NSRP1: variants seen among roughly 807,000 people sequenced by gnomAD.
NSRP1 encodes coiled-coil domain containing 55.
In NSRP1, 24 loss-of-function variants were observed where a neutral mutation model predicts 54.7. That is an observed-to-expected ratio of 0.44 (90% CI 0.32 to 0.62). NSRP1 has a LOEUF of 0.62. Among genes scored for constraint, NSRP1 ranks in the 20% least tolerant of loss-of-function variants. The probability of loss-of-function intolerance (pLI) is 0.06; values close to 1 mark genes in which losing one functional copy is unlikely to be tolerated. For missense variants in NSRP1, 596 were observed against 651.2 expected, an observed-to-expected ratio of 0.92 and a Z score of 0.92; for synonymous variants, 210 against 213.8, an observed-to-expected ratio of 0.98 and a Z score of 0.15.
At chr17:30,152,084 G>T in intron 2 of NSRP1, among the ~76,000 whole-genome samples, 1 of 147,924 alleles carries the variant, frequency 6.8e-6, no homozygotes, top group African/African-American at 2.5e-5. Context: ...TCACTTTCTT[G>T]ATGGCTTTTG....
At chr17:30,159,375 CGTT>C in intron 2 of NSRP1, among the ~76,000 whole-genome samples, 1 of 151,824 alleles carries the variant, frequency 6.6e-6, no homozygotes, top group Non-Finnish European at 1.5e-5. Flanking sequence ...TGTGTGTAGT[CGTT>C]TGGTTTTTCT....
intron 2 of NSRP1, among the ~76,000 whole-genome samples, chr17:30,142,160 A>G (rs2071811368): frequency 6.6e-6 from 1 of 152,104 alleles, no homozygotes; most frequent in Non-Finnish European, 1.5e-5. Flanking sequence ...ATTCACATCT[A>G]TATCCTTTCT....
intron 2 of NSRP1, among the ~76,000 whole-genome samples, chr17:30,147,601 C>T (rs1367370229): frequency 1.3e-5 from 2 of 149,890 alleles, no homozygotes; most frequent in Non-Finnish European, 1.5e-5. Flanking sequence ...GTAGCTGGGA[C>T]TACAGGCGCC....
At chr17:30,139,105 G>C (rs1379894683) in intron 2 of NSRP1, among the ~76,000 whole-genome samples, 1 of 150,272 alleles carries the variant, frequency 6.7e-6, no homozygotes, top group Non-Finnish European at 1.5e-5. Context: ...TTTTAGTAGA[G>C]ACGGGGTTTC....
chr17:30,126,889 C>T (rs1047750684), intron 2 of NSRP1, among the ~76,000 whole-genome samples: 3 of 152,198 alleles, frequency 2.0e-5, no homozygotes, highest in Non-Finnish European at 4.4e-5. Context: ...CATGCCTGGC[C>T]TAGGCTAGCT....
At position 30,186,158 on chromosome 17, in the gene NSRP1, G is replaced by A. The variant is rs1128156; in HGVS notation, c.*484G>A. The stretch of plus-strand genomic sequence containing the variant: ...TCCATGCCTGTAGTCCCAGCTGTTC[G>A]AGAGGCTGAGGCAAGAAGATCACTT... On this transcript the variant is annotated 3_prime_UTR_variant, in exon 7 of 7. Coordinates refer to ENST00000247026, the MANE Select transcript of NSRP1 (RefSeq NM_032141.4). 62,604 of 152,102 alleles carry A rather than the reference G, an allele frequency of 0.41. 14,379 individuals are homozygous for A. The highest frequency in any genetic ancestry group is 0.82 in the East Asian group (4,220 of 5,170). The allele number at this position is 152,102 out of a possible 1,614,324, so 9.4% of individuals were successfully genotyped here. A position where few individuals can be genotyped will look rare whatever the true frequency, so the allele number is the denominator to read the frequency against.
At chr17:30,128,422 G>A (rs950966338) in intron 2 of NSRP1, among the ~76,000 whole-genome samples, 3 of 151,898 alleles carry the variant, frequency 2.0e-5, no homozygotes, top group South Asian at 2.1e-4. Flanking sequence ...CATCATATTA[G>A]CCAAATACTT....
At chr17:30,122,112 T>G (rs756328338) in intron 2 of NSRP1, among the ~76,000 whole-genome samples, 10 of 152,000 alleles carry the variant, frequency 6.6e-5, no homozygotes, top group Non-Finnish European at 1.3e-4. Context: ...TTCTCAAGAT[T>G]GTAACGTGTC....
intron 2 of NSRP1, among the ~76,000 whole-genome samples, chr17:30,147,549 C>T (rs962522636): frequency 7.9e-5 from 12 of 151,248 alleles, no homozygotes; most frequent in Non-Finnish European, 1.6e-4. Context: ...CTGCAAGCCC[C>T]GCCTCCCAGG....
intron 2 of NSRP1, among the ~76,000 whole-genome samples, chr17:30,121,633 G>T (rs1461725455): frequency 6.8e-6 from 1 of 147,924 alleles, no homozygotes; most frequent in East Asian, 2.0e-4. Context: ...GCGTGATCTC[G>T]GCTCACTGCA....
intron 2 of NSRP1, chr17:30,150,659 C>G (rs531940698): frequency 7.4e-5 from 11 of 149,300 alleles, no homozygotes; most frequent in Admixed American, 2.0e-4. Flanking sequence ...CATGAGCCAC[C>G]GCGCCCAGCC....
At chr17:30,134,346 G>C (rs1258199267) in intron 2 of NSRP1, among the ~76,000 whole-genome samples, 1 of 152,198 alleles carries the variant, frequency 6.6e-6, no homozygotes, top group Non-Finnish European at 1.5e-5. Context: ...ACCAAAATGT[G>C]ACACACTGAC....
Position 30,183,255 on chromosome 17 carries a change from G to T in NSRP1, c.618-1360G>T, listed in dbSNP as rs770298112. Among the ~76,000 whole-genome samples the T allele has an allele frequency of 7.3e-4, 110 of 151,692 alleles. 1 individual carries two copies. Among genetic ancestry groups the T allele is most frequent in the Non-Finnish European group, 6.6e-4 (45 of 67,874 alleles). On this transcript the variant is annotated intron_variant, in intron 6 of 6. Transcript: ENST00000247026. ...AATTTTTTTTAACAGGAATGTTCTG[G>T]GTAGATCTGAGTCTGTGTTGCTAAG...
At chr17:30,132,889 C>T (rs2071714211) in intron 2 of NSRP1, among the ~76,000 whole-genome samples, 1 of 152,212 alleles carries the variant, frequency 6.6e-6, no homozygotes, top group African/African-American at 2.4e-5. Flanking sequence ...AGTTTACTTG[C>T]CCACATCTGT....
intron 2 of NSRP1, among the ~76,000 whole-genome samples, chr17:30,142,224 A>G (rs142618385): frequency 1.5e-3 from 229 of 152,302 alleles, no homozygotes; most frequent in African/African-American, 5.1e-3. Flanking sequence ...CACTATGGTT[A>G]TAGTATTTTA....
At chr17:30,126,546 T>C (rs2071651218) in intron 2 of NSRP1, among the ~76,000 whole-genome samples, 1 of 152,224 alleles carries the variant, frequency 6.6e-6, no homozygotes, top group East Asian at 1.9e-4. Flanking sequence ...CTGTACTAGA[T>C]AAAGTATGAG....
rs144575166 is a variant in NSRP1 at position 30,137,642 on chromosome 17, T to C, written c.114+19469T>C. The stretch of plus-strand genomic sequence containing the variant: ...GTTAACACAGGATCAATTCTCAAAA[T>C]TAACCAATAACTTTAGTTGCTAAAC... On this transcript the variant is annotated intron_variant, in intron 2 of 6. Coordinates refer to ENST00000247026, the MANE Select transcript of NSRP1 (RefSeq NM_032141.4). 1.6e-4 allele frequency among the ~76,000 whole-genome samples: 24 copies of C among 152,358 alleles called. No individual in the cohort carries two copies. In the East Asian group the frequency reaches 3.3e-3, roughly 21 times the overall value.
chr17:30,137,503 C>A (rs994200646), intron 2 of NSRP1, among the ~76,000 whole-genome samples: 9 of 152,238 alleles, frequency 5.9e-5, no homozygotes, highest in African/African-American at 2.2e-4. Context: ...ACTGTGCCTT[C>A]AGCTTCAGTC....
At chr17:30,162,109 C>T (rs1282497901) in intron 2 of NSRP1, among the ~76,000 whole-genome samples, 1 of 151,782 alleles carries the variant, frequency 6.6e-6, no homozygotes, top group Non-Finnish European at 1.5e-5. Flanking sequence ...ACAACCTCCT[C>T]CATCTCCCAG....
Sources: allele counts gnomAD v4.1 joint callset (sites outside exome capture counted in the v4.1 genomes callset), GRCh38; gene constraint gnomAD v4.1.1; transcripts MANE v1.5; gene names NCBI Gene and HGNC (gene_info 2026-07-23, HGNC 2026-07-21).